Variants in AP3B1 observed in about 807,000 individuals in gnomAD.
AP3B1 encodes AP-3 complex subunit beta-1.
AP3B1 carries 61 observed loss-of-function variants against 132.5 expected under a neutral mutation model. The observed-to-expected ratio is 0.46, with a 90% CI of 0.37 to 0.57. AP3B1 has a LOEUF of 0.57. AP3B1 is among the 20% of genes least tolerant of loss of function. The probability of loss-of-function intolerance (pLI) is 0.00; values close to 1 mark genes in which losing one functional copy is unlikely to be tolerated. For synonymous variants in AP3B1, 388 were observed against 438.3 expected (o/e 0.89, Z 1.43); for missense variants, 1,120 against 1,289.4 (o/e 0.87, Z 2.01).
chr5:78,032,250 A>G (rs1173867796), intron 24 of AP3B1, among the ~76,000 whole-genome samples: 3 of 152,202 alleles, frequency 2.0e-5, no homozygotes, highest in Admixed American at 2.0e-4. Context: ...CTAACTAATA[A>G]AAGAGTATCT....
chr5:78,216,265 TA>T, intron 6 of AP3B1, 28 bp from the exon 7 acceptor site: 1 of 1,602,184 alleles, frequency 6.2e-7, no homozygotes, highest in Non-Finnish European at 8.5e-7. Context: ...AGTAACTTAT[TA>T]AAAAATGTTT....
intron 26 of AP3B1, among the ~76,000 whole-genome samples, chr5:78,003,984 G>T (rs556166850): frequency 1.3e-5 from 2 of 152,236 alleles, no homozygotes; most frequent in East Asian, 3.9e-4. Context: ...ACACTTTTTG[G>T]GGGAGGGGGT....
chr5:78,046,347 C>T (rs956825158), intron 22 of AP3B1, among the ~76,000 whole-genome samples: 4 of 152,192 alleles, frequency 2.6e-5, no homozygotes, highest in African/African-American at 9.7e-5. Flanking sequence ...GCAGCACGCC[C>T]CTTATGAGCA....
chr5:78,180,718 A>AATAT (rs999222517), intron 8 of AP3B1, among the ~76,000 whole-genome samples: 19 of 151,786 alleles, frequency 1.3e-4, no homozygotes, highest in Non-Finnish European at 2.8e-4. Context: ...TTGGTTAAAA[A>AATAT]ATATATATAT....
intron 13 of AP3B1, among the ~76,000 whole-genome samples, chr5:78,161,515 ACACATTTTTAATGT>A (rs1407507165): frequency 6.6e-6 from 1 of 151,996 alleles, no homozygotes; most frequent in African/African-American, 2.4e-5. Context: ...TTTCTTTAAA[ACACATTTTTAATGT>A]CACATTTTAA....
chr5:78,292,807 C>T (rs993702040), intron 1 of AP3B1, among the ~76,000 whole-genome samples: 3 of 151,224 alleles, frequency 2.0e-5, no homozygotes, highest in African/African-American at 7.3e-5. Flanking sequence ...GAGCACTGGT[C>T]ACAGAGTCAA....
chr5:78,283,375 C>A (rs193159046), intron 1 of AP3B1, among the ~76,000 whole-genome samples: 1 of 152,134 alleles, frequency 6.6e-6, no homozygotes, highest in African/African-American at 2.4e-5. Flanking sequence ...TTAAGTTTCG[C>A]CCTTTCCTTA....
rs1206180277 is a variant in AP3B1 at position 78,193,768 on chromosome 5, ATAT to A, written c.787-12109_787-12107del. 5.2e-4 allele frequency among the ~76,000 whole-genome samples: 35 copies of A among 66,688 alleles called. 1 individual carries two copies. Among genetic ancestry groups the A allele is most frequent in the Non-Finnish European group, 7.5e-4 (24 of 31,922 alleles). 43.7% of individuals were successfully genotyped at this position (66,688 alleles called of 152,430 possible). A position where few individuals can be genotyped will look rare whatever the true frequency, so the allele number is the denominator to read the frequency against. Reference sequence around the variant, plus strand: ...TTTATATATATATATATATATATATATATTTTTTTTTTAGACAGAGTCTCGCTC... The same window carrying A: ...TTTATATATATATATATATATATATATTTTTTTTTAGACAGAGTCTCGCTC... On this transcript the variant is annotated intron_variant, in intron 7 of 26. Coordinates refer to ENST00000255194, the MANE Select transcript of AP3B1 (RefSeq NM_003664.5).
At chr5:78,167,607 G>A (rs1429369086) in intron 11 of AP3B1, among the ~76,000 whole-genome samples, 1 of 151,164 alleles carries the variant, frequency 6.6e-6, no homozygotes, top group Non-Finnish European at 1.5e-5. Context: ...CAATCAACAT[G>A]TGGATAAAGA....
chr5:78,293,551 C>A (rs999300050), intron 1 of AP3B1, among the ~76,000 whole-genome samples: 1 of 152,154 alleles, frequency 6.6e-6, no homozygotes, highest in Non-Finnish European at 1.5e-5. Context: ...TAATTATACC[C>A]TCTAACAGAT....
At chr5:78,232,686 A>C (rs1267845624) in intron 3 of AP3B1, among the ~76,000 whole-genome samples, 1 of 152,142 alleles carries the variant, frequency 6.6e-6, no homozygotes, top group Admixed American at 6.5e-5. Flanking sequence ...AGCCTCATAT[A>C]GGCTTCATTT....
At chr5:78,068,572 G>A (rs183595975) in intron 22 of AP3B1, among the ~76,000 whole-genome samples, 55 of 152,194 alleles carry the variant, frequency 3.6e-4, no homozygotes, top group Non-Finnish European at 7.6e-4. Context: ...TTGAATCCCT[G>A]AACAGATCAA....
At position 78,128,157 on chromosome 5, in the gene AP3B1, C is replaced by G. The variant is rs200393856; in HGVS notation, c.1841G>C (p.Arg614Thr). The G allele has an allele frequency of 6.2e-7, 1 of 1,601,388 alleles. No individual in the cohort carries two copies. The highest frequency in any genetic ancestry group is 1.3e-5 in the African/African-American group (1 of 74,688). Residue 614 changes from arginine to threonine, a missense_variant, in exon 17 of 27, where the codon AGA becomes ACA. Arg to Thr is a moderately conservative substitution (Grantham distance 71). Coordinates refer to ENST00000255194, the MANE Select transcript of AP3B1 (RefSeq NM_003664.5). Reference protein sequence around the residue: ...APLLESPFKDRDHFQLGTLSH... With the variant: ...APLLESPFKDTDHFQLGTLSH... Reference sequence around the variant, plus strand: ...TAAGGTGCCAAGCTGGAAATGATCTCTATCTATTAAAAATAGGGAAAAATA... The same window carrying G: ...TAAGGTGCCAAGCTGGAAATGATCTGTATCTATTAAAAATAGGGAAAAATA...
chr5:78,155,202 C>G (rs1339393157), intron 14 of AP3B1, among the ~76,000 whole-genome samples: 1 of 152,120 alleles, frequency 6.6e-6, no homozygotes, highest in East Asian at 1.9e-4. Context: ...TGGGAGAACT[C>G]TCTAGATTAC....
intron 11 of AP3B1, among the ~76,000 whole-genome samples, chr5:78,169,636 G>A (rs1452803248): frequency 4.0e-5 from 6 of 151,884 alleles, no homozygotes; most frequent in South Asian, 2.1e-4. Flanking sequence ...CTATGTTGCC[G>A]AAGCTGGTGT....
intron 3 of AP3B1, among the ~76,000 whole-genome samples, chr5:78,234,972 G>A (rs1301898701): frequency 1.3e-5 from 2 of 152,054 alleles, no homozygotes; most frequent in Non-Finnish European, 2.9e-5. Context: ...TTTTTTTGGT[G>A]TATGTGGGTG....
At chr5:78,117,315 T>C (rs986077124) in intron 17 of AP3B1, among the ~76,000 whole-genome samples, 16 of 151,060 alleles carry the variant, frequency 1.1e-4, no homozygotes, top group Admixed American at 6.6e-4. Flanking sequence ...TTGTGCAATT[T>C]TTTTTTTTTT....
chr5:78,220,315 CA>C (rs751825023), intron 6 of AP3B1, among the ~76,000 whole-genome samples: 35 of 137,972 alleles, frequency 2.5e-4, no homozygotes, highest in East Asian at 4.3e-4. Flanking sequence ...AACCCAAATC[CA>C]AAAAAAAAAA....
At chr5:78,223,070 G>A (rs1281420263) in intron 6 of AP3B1, among the ~76,000 whole-genome samples, 1 of 131,124 alleles carries the variant, frequency 7.6e-6, no homozygotes, top group Non-Finnish European at 1.6e-5. Flanking sequence ...ATGTTGCCCA[G>A]GATGGTCTCG....
Sources: gnomAD v4.1 joint callset for allele counts (sites outside exome capture counted in the v4.1 genomes callset) on GRCh38, gnomAD v4.1.1 for gene constraint, MANE v1.5 for transcripts, NCBI Gene and HGNC (gene_info 2026-07-23, HGNC 2026-07-21) for gene names.